LHCGR: variants seen among roughly 807,000 people sequenced by gnomAD.
LHCGR encodes lutropin-choriogonadotropic hormone receptor.
Under a neutral mutation model 60.7 loss-of-function variants are expected in LHCGR, and 55 were observed. That is an observed-to-expected ratio of 0.91 (90% CI 0.73 to 1.13). LHCGR has a LOEUF of 1.13. LHCGR is among the 50% of genes most tolerant of loss of function. LHCGR has a pLI of 0.00. For synonymous variants in LHCGR, 337 were observed against 316.5 expected (o/e 1.06, Z -0.69); for missense variants, 862 against 836.0 (o/e 1.03, Z -0.38).
Position 48,711,474 on chromosome 2 carries a change from G to A in LHCGR, c.606-2452C>T, listed in dbSNP as rs572892009. On this transcript the variant is annotated intron_variant, in intron 7 of 10. Transcript: ENST00000294954. ...GTTTGTTCTTGGCAAACTGACTCAT[G>A]TTCTTGATTTCCTCTTTCTTGCAAC... 3.9e-4 allele frequency among the ~76,000 whole-genome samples: 60 copies of A among 152,244 alleles called. 1 individual carries two copies. Among genetic ancestry groups the A allele is most frequent in the Middle Eastern group, 3.4e-3 (1 of 294 alleles).
chr2:48,704,681 G>A (rs1395423505), intron 8 of LHCGR, among the ~76,000 whole-genome samples: 1 of 152,150 alleles, frequency 6.6e-6, no homozygotes, highest in Non-Finnish European at 1.5e-5. Context: ...TTGCATAGAG[G>A]TGTTTATAGT....
chr2:48,752,842 C>T (rs1670020983), intron 1 of LHCGR, among the ~76,000 whole-genome samples: 1 of 151,914 alleles, frequency 6.6e-6, no homozygotes, highest in Non-Finnish European at 1.5e-5. Context: ...TCAGTCTGTC[C>T]TCCATGGATT....
chr2:48,729,961 A>G (rs1444264632), intron 2 of LHCGR, among the ~76,000 whole-genome samples: 1 of 152,218 alleles, frequency 6.6e-6, no homozygotes, highest in Admixed American at 6.5e-5. Flanking sequence ...AAACAATACA[A>G]AAATAAAGAA....
At position 48,698,768 on chromosome 2, in the gene LHCGR, G is replaced by C; in HGVS notation, c.713C>G (p.Pro238Arg). Residue 238 changes from proline (P) to arginine (R), a missense_variant, in exon 9 of 11, where the codon CCG becomes CGG. By Grantham distance (103) the Pro-to-Arg change is moderately radical. Transcript: ENST00000294954. ...CTGAATGGACTCTAGGCCATAGCTC[G>C]GCAGGGCCTGCAATTTGGTGGAAGA... Reference protein sequence around the residue: ...DISSTKLQALPSYGLESIQRL... With the variant: ...DISSTKLQALRSYGLESIQRL... 6.2e-7 allele frequency: 1 copy of C among 1,614,028 alleles called. No homozygotes were observed. The highest frequency in any genetic ancestry group is 1.1e-5 in the South Asian group (1 of 91,064).
At chr2:48,708,751 T>C (rs1351597735) in intron 8 of LHCGR, 197 bp downstream of exon 8, 1 of 621,560 alleles carries the variant, frequency 1.6e-6, no homozygotes, top group Admixed American at 2.7e-5. Flanking sequence ...TAAGACAAAA[T>C]TTCTGTTGTC....
rs1461272108 is a variant in LHCGR at position 48,723,448 on chromosome 2, T to C, written c.536+8A>G. ...TATGGCAGAACACAAATCTGGGAGTTTACTCACAGTGTTACAGATTCATTA... is the reference window on the plus strand; with the variant it reads ...TATGGCAGAACACAAATCTGGGAGTCTACTCACAGTGTTACAGATTCATTA... On this transcript the variant is annotated splice_region_variant and intron_variant, in intron 6 of 10. Transcript: ENST00000294954. The C allele has an allele frequency of 6.3e-7, 1 of 1,587,882 alleles. No homozygotes were observed. Among genetic ancestry groups the C allele is most frequent in the Non-Finnish European group, 8.6e-7 (1 of 1,156,186 alleles).
intron 1 of LHCGR, among the ~76,000 whole-genome samples, chr2:48,740,949 T>C (rs1451812251): frequency 2.0e-5 from 3 of 151,872 alleles, no homozygotes; most frequent in Admixed American, 6.6e-5. Flanking sequence ...TTGAAAAAAA[T>C]TTAGAAGAAT....
rs1304063801 is a variant in LHCGR, at chr2:48,755,529, G to A, written c.143C>T (p.Thr48Met). 2 of 1,540,962 alleles carry A rather than the reference G, an allele frequency of 1.3e-6. No individual in the cohort carries two copies. Among genetic ancestry groups the A allele is most frequent in the Non-Finnish European group, 1.7e-6 (2 of 1,143,594 alleles). ...TACTCACAGTCGAGTGAGACCGGCC[G>A]TGGGGCCGGGGCAGCGCAGGGCGCC... Reference protein sequence around the residue: ...PDGALRCPGPTAGLTRLSLAY... With the variant: ...PDGALRCPGPMAGLTRLSLAY... The change falls in exon 1 of 11, where the codon ACG becomes ATG. Residue 48 changes from threonine to methionine, a missense_variant. By Grantham distance (81) the Thr-to-Met change is moderately conservative. Coordinates refer to ENST00000294954, the MANE Select transcript of LHCGR (RefSeq NM_000233.4).
At chr2:48,699,019 T>A (rs1301549894) in intron 8 of LHCGR, among the ~76,000 whole-genome samples, 1 of 151,880 alleles carries the variant, frequency 6.6e-6, no homozygotes, top group African/African-American at 2.4e-5. Flanking sequence ...GAGACCGGGG[T>A]TTCACCGTGT....
intron 10 of LHCGR, among the ~76,000 whole-genome samples, chr2:48,693,481 T>C (rs763230566): frequency 5.3e-5 from 8 of 152,078 alleles, no homozygotes; most frequent in Non-Finnish European, 7.4e-5. Flanking sequence ...AACTTGGAGA[T>C]TGATAGGAAA....
intron 1 of LHCGR, among the ~76,000 whole-genome samples, chr2:48,747,503 C>T (rs1302701365): frequency 2.0e-5 from 3 of 152,196 alleles, no homozygotes; most frequent in African/African-American, 7.2e-5. Flanking sequence ...GCGCCCTTCT[C>T]TGGAAGTACC....
chr2:48,699,455 C>A (rs1667299246), intron 8 of LHCGR, among the ~76,000 whole-genome samples: 1 of 152,090 alleles, frequency 6.6e-6, no homozygotes, highest in Admixed American at 6.5e-5. Flanking sequence ...AGTGAAATAA[C>A]CACTTGCTTT....
chr2:48,706,220 C>T (rs1270770458), intron 8 of LHCGR, among the ~76,000 whole-genome samples: 1 of 152,196 alleles, frequency 6.6e-6, no homozygotes, highest in Non-Finnish European at 1.5e-5. Flanking sequence ...TGAATATTGG[C>T]CCCCACTCTC....
At chr2:48,702,072 T>C (rs1667437630) in intron 8 of LHCGR, among the ~76,000 whole-genome samples, 1 of 152,144 alleles carries the variant, frequency 6.6e-6, no homozygotes, top group Non-Finnish European at 1.5e-5. Flanking sequence ...TAGGGTGTCG[T>C]GGACTGCCAC....
At chr2:48,753,828 G>T (rs1175794013) in intron 1 of LHCGR, among the ~76,000 whole-genome samples, 4 of 150,398 alleles carry the variant, frequency 2.7e-5, no homozygotes, top group Admixed American at 2.6e-4. Flanking sequence ...GTGTGTGTGT[G>T]TTTTATTAAG....
chr2:48,744,904 A>T (rs1332441743), intron 1 of LHCGR, among the ~76,000 whole-genome samples: 1 of 152,212 alleles, frequency 6.6e-6, no homozygotes, highest in Non-Finnish European at 1.5e-5. Flanking sequence ...CAGAGGGAAC[A>T]GGCAACCTAC....
intron 1 of LHCGR, among the ~76,000 whole-genome samples, chr2:48,750,572 A>C (rs1669914851): frequency 2.0e-5 from 3 of 152,220 alleles, no homozygotes; most frequent in African/African-American, 7.2e-5. Flanking sequence ...CCCATTTTCT[A>C]AAACAGAGAT....
At chr2:48,741,594 C>G (rs1207665576) in intron 1 of LHCGR, among the ~76,000 whole-genome samples, 2 of 151,768 alleles carry the variant, frequency 1.3e-5, no homozygotes, top group East Asian at 3.9e-4. Flanking sequence ...CCAAACTAAG[C>G]TTCTTAAGTG....
At chr2:48,725,857 A>C (rs1327348359) in intron 3 of LHCGR, 107 bp from the exon 4 acceptor site, 6 of 906,376 alleles carry the variant, frequency 6.6e-6, no homozygotes, top group African/African-American at 1.6e-5. Context: ...TGGCATCAGC[A>C]AAAGCAGGCG....
Sources: allele counts gnomAD v4.1 joint callset (sites outside exome capture counted in the v4.1 genomes callset), GRCh38; gene constraint gnomAD v4.1.1; transcripts MANE v1.5; gene names NCBI Gene and HGNC (gene_info 2026-07-23, HGNC 2026-07-21).